TNFRSF10D: variants seen among roughly 807,000 people sequenced by gnomAD.
The protein encoded by TNFRSF10D is TNF receptor superfamily member 10d.
TNFRSF10D carries 28 observed loss-of-function variants against 42.1 expected under a neutral mutation model. That is an observed-to-expected ratio of 0.66 (90% CI 0.49 to 0.91). TNFRSF10D has a LOEUF of 0.91. Among genes scored for constraint, TNFRSF10D ranks in the 40% least tolerant of loss-of-function variants. The pLI is 0.00. For synonymous variants in TNFRSF10D, 186 were observed against 189.4 expected (o/e 0.98, Z 0.15); for missense variants, 503 against 486.1 (o/e 1.03, Z -0.33).
At chr8:23,154,102 T>C (rs995702039) in intron 2 of TNFRSF10D, among the ~76,000 whole-genome samples, 928 of 152,230 alleles carry the variant, frequency 6.1e-3, no homozygotes, top group African/African-American at 0.019. Flanking sequence ...TCATGCTAAG[T>C]GAAATAAGCC....
chr8:23,135,990 C>T lies in TNFRSF10D; in HGVS notation c.*1880G>A, dbSNP rs989466212. On this transcript the variant is annotated 3_prime_UTR_variant, in exon 9 of 9. Transcript: ENST00000312584. ...ATGGAAGTGGGAGAGGATGGAAGTG[C>T]GAAGACCGGAAAGGCCATCCCCTCC... 1.5e-4 allele frequency: 66 copies of T among 440,836 alleles called. No homozygotes were observed. Among genetic ancestry groups the T allele is most frequent in the Middle Eastern group, 1.5e-3 (2 of 1,362 alleles). 27.3% of individuals were successfully genotyped at this position (440,836 alleles called of 1,614,324 possible).
chr8:23,155,047 C>G, intron 1 of TNFRSF10D, 68 bp from the exon 2 acceptor site: 1 of 1,242,654 alleles, frequency 8.0e-7, no homozygotes. Flanking sequence ...CTCCGTCTCA[C>G]ATTCCCTTCA....
intron 4 of TNFRSF10D, 63 bp downstream of exon 4, chr8:23,146,898 C>T: frequency 7.5e-7 from 1 of 1,335,904 alleles, no homozygotes; most frequent in East Asian, 2.3e-5. Flanking sequence ...GATAGAGGTA[C>T]CAGGTGAATC....
At chr8:23,143,705 G>A (rs377054134) in intron 7 of TNFRSF10D, among the ~76,000 whole-genome samples, 1 of 152,150 alleles carries the variant, frequency 6.6e-6, no homozygotes, top group East Asian at 1.9e-4. Flanking sequence ...GTGGAGGAAG[G>A]AGACAGTGAC....
chr8:23,146,902 G>A, intron 4 of TNFRSF10D, 59 bp downstream of exon 4: 1 of 1,375,928 alleles, frequency 7.3e-7, no homozygotes, highest in East Asian at 2.3e-5. Flanking sequence ...GAGGTACCAG[G>A]TGAATCAGGT....
intron 5 of TNFRSF10D, 111 bp downstream of exon 5, chr8:23,145,557 G>A: frequency 1.3e-6 from 2 of 1,521,382 alleles, no homozygotes; most frequent in Non-Finnish European, 1.8e-6. Flanking sequence ...ACCAAGCCAG[G>A]CTGGAGACGC....
intron 7 of TNFRSF10D, among the ~76,000 whole-genome samples, chr8:23,139,867 C>T (rs1037132762): frequency 6.6e-6 from 1 of 152,070 alleles, no homozygotes; most frequent in Non-Finnish European, 1.5e-5. Flanking sequence ...TCAGTAGCAC[C>T]GGGCACCGTG....
At chr8:23,157,792 C>T (rs1412535127) in intron 1 of TNFRSF10D, among the ~76,000 whole-genome samples, 5 of 152,138 alleles carry the variant, frequency 3.3e-5, no homozygotes, top group African/African-American at 7.2e-5. Context: ...ATTCTATGTC[C>T]TAAAATTGTT....
At position 23,136,049 on chromosome 8, in the gene TNFRSF10D, G is replaced by A. The variant is rs368068040; in HGVS notation, c.*1821C>T. On this transcript the variant is annotated 3_prime_UTR_variant, in exon 9 of 9. Coordinates refer to ENST00000312584, the MANE Select transcript of TNFRSF10D (RefSeq NM_003840.5). Reference sequence around the variant, plus strand: ...CATGGACACAACAATCTGAATGTGCGAACTTCAGGCAGTTCTAACTTTGTC... The same window carrying A: ...CATGGACACAACAATCTGAATGTGCAAACTTCAGGCAGTTCTAACTTTGTC... The A allele has an allele frequency of 3.7e-3, 1,483 of 396,554 alleles. 26 individuals carry two copies. Among genetic ancestry groups the A allele is most frequent in the South Asian group, 0.027 (1,404 of 52,784 alleles). The allele number at this position is 396,554 out of a possible 1,614,324, so 24.6% of individuals were successfully genotyped here. A position where few individuals can be genotyped will look rare whatever the true frequency, so the allele number is the denominator to read the frequency against.
At position 23,159,214 on chromosome 8, in the gene TNFRSF10D, C is replaced by A. The variant is rs1800327430; in HGVS notation, c.151-4235G>T. 1.3e-5 allele frequency among the ~76,000 whole-genome samples: 2 copies of A among 152,118 alleles called. 1 individual carries two copies. The highest frequency in any genetic ancestry group is 4.1e-4 in the South Asian group (2 of 4,830). On this transcript the variant is annotated intron_variant, in intron 1 of 8. Coordinates refer to ENST00000312584, the MANE Select transcript of TNFRSF10D (RefSeq NM_003840.5). ...CTCCTGGGCTCTAAGGATGCACCCACCTGGGCAGGACTATACATGTGAGCC... is the reference window on the plus strand; with the variant it reads ...CTCCTGGGCTCTAAGGATGCACCCAACTGGGCAGGACTATACATGTGAGCC...
intron 7 of TNFRSF10D, 53 bp downstream of exon 7, chr8:23,144,397 A>G (rs1032064596): frequency 1.3e-6 from 2 of 1,577,008 alleles, no homozygotes; most frequent in African/African-American, 2.7e-5. Flanking sequence ...CACTGTCTAC[A>G]AAGTCCTGTG....
chr8:23,152,838 T>C (rs1585263290), intron 2 of TNFRSF10D, among the ~76,000 whole-genome samples: 1 of 152,222 alleles, frequency 6.6e-6, no homozygotes, highest in African/African-American at 2.4e-5. Flanking sequence ...AAAATTCCAA[T>C]GACATTTTTT....
chr8:23,147,556 C>T (rs1800138084), intron 3 of TNFRSF10D, among the ~76,000 whole-genome samples: 1 of 152,208 alleles, frequency 6.6e-6, no homozygotes, highest in African/African-American at 2.4e-5. Context: ...GCCAGGCCTC[C>T]TCTATGCTGT....
chr8:23,140,942 T>A (rs116453403), intron 7 of TNFRSF10D, among the ~76,000 whole-genome samples: 932 of 152,222 alleles, frequency 6.1e-3, no homozygotes, highest in African/African-American at 0.019. Flanking sequence ...ATTCAACAGC[T>A]GATGCTTCGG....
At chr8:23,144,392 T>A in intron 7 of TNFRSF10D, 58 bp downstream of exon 7, 1 of 1,562,220 alleles carries the variant, frequency 6.4e-7, no homozygotes, top group Non-Finnish European at 8.7e-7. Context: ...TGTCCCACTG[T>A]CTACAAAGTC....
In TNFRSF10D at chr8:23,146,951, G is replaced by A; in HGVS notation, c.482+10C>T. On this transcript the variant is annotated intron_variant, in intron 4 of 8. Coordinates refer to ENST00000312584, the MANE Select transcript of TNFRSF10D (RefSeq NM_003840.5). Reference sequence around the variant, plus strand: ...TGAAAGCTGTTGGGAGCCCCTGGCTGCTGTCTTACCCTGTTCTACACGTCC... The same window carrying A: ...TGAAAGCTGTTGGGAGCCCCTGGCTACTGTCTTACCCTGTTCTACACGTCC... 2.5e-6 allele frequency: 4 copies of A among 1,610,492 alleles called. No homozygotes were observed. Among genetic ancestry groups the A allele is most frequent in the Non-Finnish European group, 2.5e-6 (3 of 1,176,872 alleles).
Position 23,138,194 on chromosome 8 carries a change from C to G in TNFRSF10D, c.1021G>C (p.Ala341Pro). ...CAAGGCACAAAACACTTACTGTCAG[C>G]GGAGTCAGCGTCATTCACTGGAACC... ...LLVPVNDADS[A>P]DISTLLDASA... The change falls in exon 8 of 9, where the codon GCT (alanine) becomes CCT (proline). Residue 341 changes from alanine (A) to proline (P), a missense_variant. Transcript: ENST00000312584. 6.2e-7 allele frequency: 1 copy of G among 1,614,088 alleles called. No homozygotes were observed. Among genetic ancestry groups the G allele is most frequent in the Non-Finnish European group, 8.5e-7 (1 of 1,180,024 alleles).
chr8:23,137,468 C>T lies in TNFRSF10D; in HGVS notation c.*402G>A, dbSNP rs960575657. The T allele has an allele frequency of 6.3e-6, 1 of 158,868 alleles. No homozygotes were observed. Among genetic ancestry groups the T allele is most frequent in the African/African-American group, 2.4e-5 (1 of 41,520 alleles). 9.8% of individuals were successfully genotyped at this position (158,868 alleles called of 1,614,324 possible). On this transcript the variant is annotated 3_prime_UTR_variant, in exon 9 of 9. Coordinates refer to ENST00000312584, the MANE Select transcript of TNFRSF10D (RefSeq NM_003840.5). Reference sequence around the variant, plus strand: ...ACTGCAAAGAATGACATCCTAAAACCACTTTTTTTCTTTTTAAATTGAGAT... The same window carrying T: ...ACTGCAAAGAATGACATCCTAAAACTACTTTTTTTCTTTTTAAATTGAGAT...
chr8:23,152,514 G>A (rs748634874), intron 2 of TNFRSF10D, among the ~76,000 whole-genome samples: 7 of 152,208 alleles, frequency 4.6e-5, no homozygotes, highest in Non-Finnish European at 1.0e-4. Context: ...GGGTCAGGGA[G>A]ATGATGAACA....
Sources: gnomAD v4.1 joint callset for allele counts (sites outside exome capture counted in the v4.1 genomes callset) on GRCh38, gnomAD v4.1.1 for gene constraint, MANE v1.5 for transcripts, NCBI Gene and HGNC (gene_info 2026-07-23, HGNC 2026-07-21) for gene names.